ATP10B: variants seen among roughly 807,000 people sequenced by gnomAD.
ATP10B encodes the protein ATPase phospholipid transporting 10B (putative).
ATP10B carries 122 observed loss-of-function variants against 141.2 expected under a neutral mutation model. The observed-to-expected ratio is 0.86, with a 90% CI of 0.75 to 1.00. The LOEUF (loss-of-function observed/expected upper bound fraction) is 1.00, where lower values mean the gene tolerates loss of function less well. Among genes scored for constraint, ATP10B ranks in the 50% least tolerant of loss-of-function variants. ATP10B has a pLI of 0.00. For missense variants in ATP10B, 1,876 were observed against 1,825.3 expected, an observed-to-expected ratio of 1.03 and a Z score of -0.51; for synonymous variants, 685 against 692.0, an observed-to-expected ratio of 0.99 and a Z score of 0.16.
chr5:160,747,980 C>A (rs1561812629), intron 2 of ATP10B, among the ~76,000 whole-genome samples: 1 of 138,374 alleles, frequency 7.2e-6, no homozygotes, highest in Admixed American at 7.5e-5. Flanking sequence ...CTGGGTCCAG[C>A]TGAGCATTGA....
At chr5:160,566,610 T>C (rs1288848290) in intron 25 of ATP10B, among the ~76,000 whole-genome samples, 1 of 152,120 alleles carries the variant, frequency 6.6e-6, no homozygotes, top group Non-Finnish European at 1.5e-5. Flanking sequence ...CTGCATGCAG[T>C]CTGTAGTAGA....
intron 6 of ATP10B, among the ~76,000 whole-genome samples, chr5:160,674,439 T>A (rs1447639430): frequency 6.6e-6 from 1 of 152,194 alleles, no homozygotes; most frequent in African/African-American, 2.4e-5. Context: ...CCTGTCATGA[T>A]CTAAGTATCA....
At chr5:160,677,087 C>T (rs1188210395) in intron 6 of ATP10B, among the ~76,000 whole-genome samples, 1 of 152,180 alleles carries the variant, frequency 6.6e-6, no homozygotes, top group Non-Finnish European at 1.5e-5. Flanking sequence ...TTCTGATCTC[C>T]TTAATGGCAA....
the ATP10B span, among the ~76,000 whole-genome samples, chr5:160,879,946 C>A: frequency 1.3e-5 from 2 of 151,918 alleles, no homozygotes; most frequent in Non-Finnish European, 2.9e-5. Flanking sequence ...TTTGTATATA[C>A]CAACAATAGT....
the ATP10B span, among the ~76,000 whole-genome samples, chr5:160,881,207 G>T: frequency 6.6e-6 from 1 of 152,060 alleles, no homozygotes; most frequent in Non-Finnish European, 1.5e-5. Context: ...ACATTAAATG[G>T]CATCAGGAAA....
At chr5:160,791,180 A>T (rs1260895676) in intron 1 of ATP10B, among the ~76,000 whole-genome samples, 1 of 152,226 alleles carries the variant, frequency 6.6e-6, no homozygotes, top group African/African-American at 2.4e-5. Context: ...AAGGGAGCAC[A>T]ACTTTGCCAA....
Position 160,565,818 on chromosome 5 carries a change from T to C in ATP10B, c.4021A>G (p.Lys1341Glu), listed in dbSNP as rs750496491. ...AQKIDKLPPD[K>E]RNLEIQSWRS... ...CAACTCTGGATTTCCAGGTTTCTTT[T>C]GTCTGGGGGGAGTTTGTCAATTTTC... Residue 1341 changes from lysine (K) to glutamate (E), a missense_variant, in exon 26 of 26, where the codon AAA becomes GAA. Lys to Glu is a moderately conservative substitution (Grantham distance 56). Coordinates refer to ENST00000327245, the MANE Select transcript of ATP10B (RefSeq NM_025153.3). 6.8e-6 allele frequency: 11 copies of C among 1,613,962 alleles called. No homozygotes were observed. The Admixed American group carries it at 1.8e-4, about 27-fold the overall frequency.
chr5:160,639,326 C>T (rs1407178885), intron 10 of ATP10B: 2 of 152,222 alleles, frequency 1.3e-5, no homozygotes, highest in African/African-American at 4.8e-5. Flanking sequence ...ATCCTTGGGG[C>T]CCTATGAATA....
chr5:160,763,735 C>CA (rs1298103242), intron 2 of ATP10B, among the ~76,000 whole-genome samples: 1 of 151,816 alleles, frequency 6.6e-6, no homozygotes, highest in East Asian at 1.9e-4. Context: ...GAAATTGAAA[C>CA]AAAAAATATG....
intron 6 of ATP10B, among the ~76,000 whole-genome samples, chr5:160,678,658 A>G (rs111562503): frequency 3.9e-5 from 6 of 152,198 alleles, no homozygotes; most frequent in African/African-American, 1.2e-4. Flanking sequence ...AAAACAGAAC[A>G]AAAAACAAAA....
At chr5:160,849,765 C>T (rs903674336) in intron 1 of ATP10B, among the ~76,000 whole-genome samples, 1 of 151,984 alleles carries the variant, frequency 6.6e-6, no homozygotes, top group Non-Finnish European at 1.5e-5. Context: ...CTAAACAATA[C>T]CCACTCCTAT....
intron 6 of ATP10B, among the ~76,000 whole-genome samples, chr5:160,683,038 C>T (rs543929185): frequency 9.4e-4 from 87 of 92,688 alleles, no homozygotes; most frequent in African/African-American, 3.1e-3. Flanking sequence ...GACTCTGTCC[C>T]CCAAAAAAAA....
the ATP10B span, among the ~76,000 whole-genome samples, chr5:160,885,800 A>G: frequency 6.6e-6 from 1 of 152,196 alleles, no homozygotes; most frequent in African/African-American, 2.4e-5. Flanking sequence ...CAGAGCAAAG[A>G]GAAATGCCAG....
the ATP10B span, among the ~76,000 whole-genome samples, chr5:160,917,479 C>A: frequency 6.6e-6 from 1 of 151,992 alleles, no homozygotes; most frequent in African/African-American, 2.4e-5. Context: ...GGAACAAACG[C>A]TTTGGGGTGG....
chr5:160,916,415 T>C, the ATP10B span, among the ~76,000 whole-genome samples: 1 of 151,982 alleles, frequency 6.6e-6, no homozygotes, highest in South Asian at 2.1e-4. Flanking sequence ...TGTAGATAGC[T>C]TCCCAGGGTA....
the ATP10B span, among the ~76,000 whole-genome samples, chr5:160,908,077 T>C: frequency 1.3e-5 from 2 of 152,302 alleles, no homozygotes; most frequent in African/African-American, 2.4e-5. Flanking sequence ...AGTTTGTCTG[T>C]TGTGTGTTAG....
At chr5:160,924,320 C>G in the ATP10B span, among the ~76,000 whole-genome samples, 1 of 152,176 alleles carries the variant, frequency 6.6e-6, no homozygotes, top group African/African-American at 2.4e-5. Context: ...GCTGGGTGCC[C>G]CTGGGCCAAC....
the ATP10B span, among the ~76,000 whole-genome samples, chr5:160,892,931 G>A: frequency 3.3e-5 from 5 of 152,178 alleles, no homozygotes; most frequent in African/African-American, 1.2e-4. Context: ...TGTAACCCGG[G>A]AAGTGCAAGG....
At chr5:160,832,172 T>G (rs1775128601) in intron 1 of ATP10B, among the ~76,000 whole-genome samples, 1 of 152,132 alleles carries the variant, frequency 6.6e-6, no homozygotes, top group Non-Finnish European at 1.5e-5. Context: ...TATCACCTTT[T>G]AAAATAAGCC....
Sources: allele counts gnomAD v4.1 joint callset (sites outside exome capture counted in the v4.1 genomes callset), GRCh38; gene constraint gnomAD v4.1.1; transcripts MANE v1.5; gene names NCBI Gene and HGNC (gene_info 2026-07-23, HGNC 2026-07-21).